BTG4: variants seen among roughly 807,000 people sequenced by gnomAD.
The protein encoded by BTG4 is BTG anti-proliferation factor 4.
A neutral mutation model predicts 19.3 loss-of-function variants in BTG4; 10 were observed. The observed-to-expected ratio is 0.52, with a 90% CI of 0.32 to 0.88. The LOEUF is 0.88. Ranked by LOEUF, BTG4 falls within the 40% of genes least tolerant of loss-of-function variation. The pLI is 0.04. For synonymous variants in BTG4, 91 were observed against 95.7 expected (o/e 0.95, Z 0.29); for missense variants, 238 against 281.9 (o/e 0.84, Z 1.11).
chr11:111,436,496 G>C, the BTG4 span, among the ~76,000 whole-genome samples: 2 of 152,180 alleles, frequency 1.3e-5, no homozygotes, highest in South Asian at 2.1e-4. Context: ...CGTGGTAGTG[G>C]GCGCCTGTAA....
chr11:111,493,283 T>C (rs528681968), downstream of BTG4, among the ~76,000 whole-genome samples: 12 of 152,268 alleles, frequency 7.9e-5, no homozygotes, highest in Non-Finnish European at 1.5e-4. Flanking sequence ...CATTTTAAAC[T>C]GGAGAGTAAA....
chr11:111,506,625 C>G (rs1306957171), intron 1 of BTG4, among the ~76,000 whole-genome samples: 1 of 151,864 alleles, frequency 6.6e-6, no homozygotes, highest in Non-Finnish European at 1.5e-5. Flanking sequence ...AAAAAGAAAC[C>G]AAGATAACTC....
intron 1 of BTG4, among the ~76,000 whole-genome samples, chr11:111,503,988 A>G (rs1196830682): frequency 1.3e-5 from 2 of 152,154 alleles, no homozygotes; most frequent in African/African-American, 4.8e-5. Context: ...TTAAAATATC[A>G]TCTGAATTGA....
chr11:111,512,914 G>T, upstream of BTG4: 1 of 443,600 alleles, frequency 2.3e-6, no homozygotes, highest in Non-Finnish European at 4.6e-6. Flanking sequence ...CGGACCGTCC[G>T]GGAGCTGCAG....
chr11:111,476,649 C>A (rs1443247785), intron 5 of BTG4, among the ~76,000 whole-genome samples: 2 of 152,046 alleles, frequency 1.3e-5, no homozygotes, highest in African/African-American at 2.4e-5. Flanking sequence ...CTTAAAAATA[C>A]CTCATTAGTT....
the BTG4 span, among the ~76,000 whole-genome samples, chr11:111,461,050 G>A: frequency 5.3e-5 from 8 of 152,140 alleles, no homozygotes; most frequent in Admixed American, 1.3e-4. Flanking sequence ...TGGCAGCTGT[G>A]CGGAGGATGG....
chr11:111,418,646 T>C, the BTG4 span, among the ~76,000 whole-genome samples: 1 of 152,192 alleles, frequency 6.6e-6, no homozygotes, highest in African/African-American at 2.4e-5. Flanking sequence ...AGAAACACTC[T>C]ATTTACTAGC....
At chr11:111,489,099 T>C (rs1865250269) in intron 5 of BTG4, among the ~76,000 whole-genome samples, 1 of 150,826 alleles carries the variant, frequency 6.6e-6, no homozygotes, top group African/African-American at 2.4e-5. Flanking sequence ...ACTGAGGTCA[T>C]GCCATTGCAC....
At chr11:111,416,033 G>A in the BTG4 span, 2 of 152,526 alleles carry the variant, frequency 1.3e-5, no homozygotes, top group Non-Finnish European at 2.9e-5. Flanking sequence ...AACAGAGTGA[G>A]ACCTTGTCTG....
At chr11:111,386,810 C>T in the BTG4 span, among the ~76,000 whole-genome samples, 1 of 152,166 alleles carries the variant, frequency 6.6e-6, no homozygotes, top group African/African-American at 2.4e-5. Flanking sequence ...GGCAATTTCC[C>T]ACATATTCTT....
At chr11:111,428,632 A>G in the BTG4 span, among the ~76,000 whole-genome samples, 1 of 152,230 alleles carries the variant, frequency 6.6e-6, no homozygotes, top group East Asian at 1.9e-4. Flanking sequence ...GCCCTAGGAC[A>G]CAAAGCTCAA....
At chr11:111,399,761 T>G in the BTG4 span, among the ~76,000 whole-genome samples, 313 of 152,208 alleles carry the variant, frequency 2.1e-3, 2 homozygotes, top group African/African-American at 7.2e-3. Context: ...CCACAGCATC[T>G]CCATCCTATA....
At chr11:111,443,174 T>A in the BTG4 span, among the ~76,000 whole-genome samples, 1 of 152,160 alleles carries the variant, frequency 6.6e-6, no homozygotes, top group Non-Finnish European at 1.5e-5. Flanking sequence ...AAACATCAGA[T>A]AAATCCTAAC....
the BTG4 span, among the ~76,000 whole-genome samples, chr11:111,408,515 C>G: frequency 6.6e-6 from 1 of 152,228 alleles, no homozygotes; most frequent in African/African-American, 2.4e-5. Context: ...CATCAGTGTC[C>G]TCACCTGCAC....
the BTG4 span, chr11:111,456,524 G>A: frequency 2.2e-6 from 1 of 456,504 alleles, no homozygotes; most frequent in South Asian, 1.5e-5. The surrounding 1 kb of genome is among the most constrained non-coding windows in gnomAD (Gnocchi z 4.2). Context: ...GCCCCAGCAG[G>A]CCCTCCTGGT....
At chr11:111,459,412 C>A in the BTG4 span, among the ~76,000 whole-genome samples, 35 of 152,332 alleles carry the variant, frequency 2.3e-4, no homozygotes, top group South Asian at 7.0e-3. Context: ...CCACTCAATT[C>A]CCACTTGCTT....
the BTG4 span, among the ~76,000 whole-genome samples, chr11:111,445,536 A>T: frequency 6.6e-6 from 1 of 152,232 alleles, no homozygotes; most frequent in African/African-American, 2.4e-5. Flanking sequence ...GACTGAGCCT[A>T]GGAAAGAGGT....
chr11:111,417,251 G>C, the BTG4 span: 1 of 152,296 alleles, frequency 6.6e-6, no homozygotes. Context: ...TTAACCAGCA[G>C]TTCTGACTTG....
chr11:111,480,496 C>T (rs1565449742), intron 5 of BTG4, among the ~76,000 whole-genome samples: 1 of 152,010 alleles, frequency 6.6e-6, no homozygotes, highest in Non-Finnish European at 1.5e-5. Context: ...CCCCCAACAA[C>T]AACAGGATGT....
Sources: allele counts gnomAD v4.1 joint callset (sites outside exome capture counted in the v4.1 genomes callset), GRCh38; gene constraint gnomAD v4.1.1; non-coding constraint Gnocchi (gnomAD v3.1); transcripts MANE v1.5; gene names NCBI Gene and HGNC (gene_info 2026-07-23, HGNC 2026-07-21).